The following PRKDC variants were observed in gnomAD, a reference collection of about 807,000 sequenced individuals.
PRKDC encodes protein kinase, DNA-activated, catalytic subunit, also known as DNA-dependent protein kinase catalytic subunit.
In PRKDC, 82 loss-of-function variants were observed where a neutral mutation model predicts 486.9. That is an observed-to-expected ratio of 0.17 (90% CI 0.14 to 0.20). The LOEUF (loss-of-function observed/expected upper bound fraction) is 0.20. Ranked by LOEUF, PRKDC falls within the 10% of genes least tolerant of loss-of-function variation. The pLI is 1.00. For synonymous variants in PRKDC, 1,895 were observed against 1,837.0 expected, an observed-to-expected ratio of 1.03 and a Z score of -0.81; for missense variants, 4,504 against 5,038.2, an observed-to-expected ratio of 0.89 and a Z score of 3.21.
intron 80 of PRKDC, among the ~76,000 whole-genome samples, chr8:47,780,011 T>C (rs1589690157): frequency 6.7e-6 from 1 of 149,124 alleles, no homozygotes; most frequent in Non-Finnish European, 1.5e-5. Context: ...ACCTCCTGGG[T>C]TCAAGCAATT....
At chr8:47,811,426 G>A (rs1473308447) in intron 68 of PRKDC, among the ~76,000 whole-genome samples, 1 of 152,158 alleles carries the variant, frequency 6.6e-6, no homozygotes, top group African/African-American at 2.4e-5. Context: ...AGATTTTTAG[G>A]CTAAAGGAAA....
intron 42 of PRKDC, 67 bp from the exon 43 acceptor site, chr8:47,862,608 G>A: frequency 2.1e-6 from 3 of 1,453,742 alleles, no homozygotes; most frequent in Non-Finnish European, 2.8e-6. Flanking sequence ...GCCCAACAAT[G>A]CCAGACAACA....
intron 11 of PRKDC, 33 bp downstream of exon 11, chr8:47,939,518 C>A: frequency 1.3e-6 from 2 of 1,596,130 alleles, no homozygotes; most frequent in Non-Finnish European, 1.7e-6. Context: ...CACGTGAAAC[C>A]AAGACAAAAT....
At chr8:47,792,307 G>A (rs956124182) in intron 74 of PRKDC, among the ~76,000 whole-genome samples, 2 of 147,170 alleles carry the variant, frequency 1.4e-5, no homozygotes, top group African/African-American at 5.1e-5. Context: ...CACCCAGGCT[G>A]GAGTGCAGTG....
Position 47,893,300 on chromosome 8 carries a change from C to T in PRKDC, c.3686G>A (p.Cys1229Tyr), listed in dbSNP as rs2089504804. The T allele has an allele frequency of 6.2e-7, 1 of 1,608,678 alleles. No homozygotes were observed. The highest frequency in any genetic ancestry group is 1.1e-5 in the South Asian group (1 of 90,378). The change falls in exon 31 of 86, where the codon TGT (cysteine) becomes TAT (tyrosine). Residue 1229 changes from cysteine to tyrosine, a missense_variant. Cys to Tyr is a radical substitution (Grantham distance 194). Around this residue, in one of 6 missense-constraint regions of PRKDC, gnomAD observed 1,969 missense variants for 2,068.9 expected, o/e 0.95. Coordinates refer to ENST00000314191, the MANE Select transcript of PRKDC (RefSeq NM_006904.7). ...GGCCAGGATGCCCGAGGGCTGGCCACAGCCACCCCCCTCAAAGGTGTTGAT... is the reference window on the plus strand; with the variant it reads ...GGCCAGGATGCCCGAGGGCTGGCCATAGCCACCCCCCTCAAAGGTGTTGAT... The part of the protein sequence containing the change: ...FLINTFEGGG[C>Y]GQPSGILAQP...
chr8:47,946,956 A>G (rs925484219), intron 7 of PRKDC, among the ~76,000 whole-genome samples: 5 of 152,082 alleles, frequency 3.3e-5, no homozygotes, highest in African/African-American at 4.8e-5. Flanking sequence ...CTTGGCCCAC[A>G]TCCACTCCTT....
At chr8:47,949,064 G>A (rs1424164363) in intron 7 of PRKDC, among the ~76,000 whole-genome samples, 1 of 152,210 alleles carries the variant, frequency 6.6e-6, no homozygotes, top group Non-Finnish European at 1.5e-5. Flanking sequence ...CTCTAGGGGA[G>A]AACCCTTTTC....
At chr8:47,959,044 C>T (rs568692876) in intron 1 of PRKDC, 6 of 152,208 alleles carry the variant, frequency 3.9e-5, no homozygotes, top group African/African-American at 1.4e-4. Flanking sequence ...CCACATATAG[C>T]ATCTAGTTTA....
chr8:47,780,080 A>C (rs2154497419), intron 80 of PRKDC, among the ~76,000 whole-genome samples: 1 of 151,204 alleles, frequency 6.6e-6, no homozygotes, highest in South Asian at 2.1e-4. Context: ...ACACCCAGCT[A>C]ATTTTTCTAT....
At chr8:47,795,175 C>T (rs927636560) in intron 73 of PRKDC, among the ~76,000 whole-genome samples, 103 of 149,116 alleles carry the variant, frequency 6.9e-4, no homozygotes, top group African/African-American at 2.4e-3. Context: ...CGTGAGCCAC[C>T]GTGCCTGGCC....
chr8:47,778,951 A>G (rs948749544), intron 81 of PRKDC, 53 bp downstream of exon 81: 20 of 1,472,816 alleles, frequency 1.4e-5, no homozygotes, highest in East Asian at 2.4e-5. Context: ...AAAACATGCA[A>G]TTTGCAGAAG....
At chr8:47,790,952 A>G (rs1268089748) in intron 74 of PRKDC, among the ~76,000 whole-genome samples, 1 of 152,196 alleles carries the variant, frequency 6.6e-6, no homozygotes. Flanking sequence ...CTCAACCAAT[A>G]AAACTACAAA....
chr8:47,843,254 T>C (rs2088192175), intron 54 of PRKDC, among the ~76,000 whole-genome samples: 1 of 152,070 alleles, frequency 6.6e-6, no homozygotes, highest in Non-Finnish European at 1.5e-5. Flanking sequence ...CATAATACAG[T>C]TGGAAACATT....
intron 10 of PRKDC, among the ~76,000 whole-genome samples, chr8:47,941,145 C>A (rs1469090975): frequency 7.2e-4 from 108 of 149,120 alleles, no homozygotes; most frequent in African/African-American, 1.4e-3. Flanking sequence ...AAAAAAAAAA[C>A]CAAAAAAACA....
chr8:47,825,490 G>A (rs1268468358), intron 63 of PRKDC, among the ~76,000 whole-genome samples: 3 of 96,256 alleles, frequency 3.1e-5, no homozygotes, highest in African/African-American at 1.3e-4. Flanking sequence ...ACTGGCGACA[G>A]AGCAAGACTG....
At chr8:47,906,517 C>G (rs912480700) in intron 25 of PRKDC, among the ~76,000 whole-genome samples, 3 of 151,110 alleles carry the variant, frequency 2.0e-5, no homozygotes, top group Admixed American at 6.9e-5. Flanking sequence ...ACCTGTAACC[C>G]CAGCTACTTG....
chr8:47,915,882 A>T (rs2089974750), intron 22 of PRKDC, among the ~76,000 whole-genome samples: 1 of 152,188 alleles, frequency 6.6e-6, no homozygotes, highest in Non-Finnish European at 1.5e-5. Flanking sequence ...CTTTGATATC[A>T]CACCAAAACT....
intron 75 of PRKDC, 23 bp from the exon 76 acceptor site, chr8:47,789,072 AG>A: frequency 6.2e-7 from 1 of 1,612,092 alleles, no homozygotes. Context: ...AAAAAAAGTA[AG>A]AAAAAAATCA....
rs1589817843 is a variant in PRKDC at position 47,953,757 on chromosome 8, A to T, written c.622-38T>A. The T allele has an allele frequency of 6.9e-6, 11 of 1,586,448 alleles. No individual in the cohort carries two copies. In the East Asian group the frequency reaches 2.5e-4, roughly 36 times the overall value. On this transcript the variant is annotated intron_variant, in intron 6 of 85. Coordinates refer to ENST00000314191, the MANE Select transcript of PRKDC (RefSeq NM_006904.7). The stretch of plus-strand genomic sequence containing the variant: ...ATTTAAGAAGATGTCATTACAAGAG[A>T]AAAACACAACCACATCTATGGAAGC...
Sources: gnomAD v4.1 joint callset for allele counts (sites outside exome capture counted in the v4.1 genomes callset) on GRCh38, gnomAD v4.1.1 for gene constraint, gnomAD v4.1.1 regional missense constraint, MANE v1.5 for transcripts, NCBI Gene and HGNC (gene_info 2026-07-23, HGNC 2026-07-21) for gene names.